Variants in LRRTM4 observed in about 807,000 individuals in gnomAD.
The protein encoded by LRRTM4 is leucine rich repeat transmembrane neuronal 4.
Under a neutral mutation model 47.6 loss-of-function variants are expected in LRRTM4, and 25 were observed. That is an observed-to-expected ratio of 0.53 (90% CI 0.38 to 0.73). The LOEUF (loss-of-function observed/expected upper bound fraction) is 0.73, where lower values mean the gene tolerates loss of function less well. LRRTM4 is among the 30% of genes least tolerant of loss of function. The pLI, the probability that LRRTM4 is intolerant of heterozygous loss-of-function variation, is 0.00. For missense variants in LRRTM4, 638 were observed against 713.4 expected (o/e 0.89, Z 1.20); for synonymous variants, 311 against 269.5 (o/e 1.15, Z -1.51).
At chr2:77,432,432 G>A (rs575459306) in intron 3 of LRRTM4, among the ~76,000 whole-genome samples, 1 of 152,302 alleles carries the variant, frequency 6.6e-6, no homozygotes, top group Admixed American at 6.5e-5. Flanking sequence ...TGTGGAAGAT[G>A]AATTTTTTGG....
intron 3 of LRRTM4, among the ~76,000 whole-genome samples, chr2:76,835,797 A>T (rs556150140): frequency 6.6e-6 from 1 of 152,224 alleles, no homozygotes; most frequent in African/African-American, 2.4e-5. Flanking sequence ...ACTATGTATA[A>T]ACTAACATAC....
intron 3 of LRRTM4, among the ~76,000 whole-genome samples, chr2:77,037,617 A>T (rs1678880791): frequency 6.6e-6 from 1 of 151,762 alleles, no homozygotes; most frequent in Non-Finnish European, 1.5e-5. Context: ...TAGGATGCAC[A>T]AATATCCATT....
At chr2:77,184,308 A>G (rs1300021412) in intron 3 of LRRTM4, among the ~76,000 whole-genome samples, 2 of 152,104 alleles carry the variant, frequency 1.3e-5, no homozygotes, top group African/African-American at 4.8e-5. Flanking sequence ...ATTAATGCCC[A>G]AAGGTTTCAA....
intron 3 of LRRTM4, among the ~76,000 whole-genome samples, chr2:77,386,150 CA>C (rs11320271): frequency 0.47 from 70,520 of 151,608 alleles, 16,612 homozygotes; most frequent in East Asian, 0.62. Context: ...AAATCATCCA[CA>C]AAAATAATCG....
chr2:76,780,332 C>T (rs1354785607), intron 3 of LRRTM4, among the ~76,000 whole-genome samples: 2 of 152,182 alleles, frequency 1.3e-5, no homozygotes, highest in African/African-American at 2.4e-5. Context: ...GGGAAGTTCT[C>T]CTGGATAATC....
At chr2:77,371,909 A>T (rs1351085062) in intron 3 of LRRTM4, among the ~76,000 whole-genome samples, 1 of 151,698 alleles carries the variant, frequency 6.6e-6, no homozygotes, top group Non-Finnish European at 1.5e-5. Context: ...CTAGAGTTTC[A>T]TACTTACTGG....
chr2:77,087,951 T>C (rs535903205), intron 3 of LRRTM4, among the ~76,000 whole-genome samples: 1 of 152,276 alleles, frequency 6.6e-6, no homozygotes, highest in East Asian at 1.9e-4. Flanking sequence ...AAAGATCATA[T>C]GCTATCCCTT....
At chr2:77,517,408 A>G (rs1012859538) in intron 3 of LRRTM4, 38 of 984,450 alleles carry the variant, frequency 3.9e-5, no homozygotes, top group Admixed American at 3.7e-4. Context: ...AAGAATACAT[A>G]TCATTTCTTT....
intron 3 of LRRTM4, among the ~76,000 whole-genome samples, chr2:77,462,723 G>A (rs1304708755): frequency 6.6e-6 from 1 of 151,982 alleles, no homozygotes; most frequent in African/African-American, 2.4e-5. Context: ...GCTTTTAAAC[G>A]GAAACAAAGT....
chr2:76,879,397 A>C (rs778070556), intron 3 of LRRTM4, among the ~76,000 whole-genome samples: 6 of 152,160 alleles, frequency 3.9e-5, no homozygotes, highest in Non-Finnish European at 7.3e-5. Flanking sequence ...ATTATACTAA[A>C]ACTACTCTGC....
intron 3 of LRRTM4, among the ~76,000 whole-genome samples, chr2:77,175,063 ATTTCT>A (rs896013022): frequency 1.9e-4 from 26 of 135,742 alleles, no homozygotes; most frequent in African/African-American, 7.0e-4. Flanking sequence ...ATTTTTCTTT[ATTTCT>A]TTTTTCTTTT....
chr2:76,874,440 T>TA (rs1277197155), intron 3 of LRRTM4, among the ~76,000 whole-genome samples: 1 of 152,018 alleles, frequency 6.6e-6, no homozygotes, highest in Non-Finnish European at 1.5e-5. Flanking sequence ...GCTAGCCATG[T>TA]AATAAAGCGG....
intron 3 of LRRTM4, among the ~76,000 whole-genome samples, chr2:77,357,994 A>G (rs1275019856): frequency 2.0e-5 from 3 of 152,208 alleles, no homozygotes; most frequent in Non-Finnish European, 4.4e-5. Context: ...TATAAACCAT[A>G]TATACTGGTT....
chr2:77,201,216 A>C (rs1309443289), intron 3 of LRRTM4, among the ~76,000 whole-genome samples: 1 of 152,176 alleles, frequency 6.6e-6, no homozygotes, highest in East Asian at 1.9e-4. Flanking sequence ...TTGGTTGATA[A>C]TCTGGATTCT....
At chr2:77,107,365 C>T (rs764301066) in intron 3 of LRRTM4, among the ~76,000 whole-genome samples, 10 of 152,004 alleles carry the variant, frequency 6.6e-5, no homozygotes, top group Non-Finnish European at 1.0e-4. Context: ...CTTAGGAGAA[C>T]GTCAGAGAAT....
At chr2:77,003,297 T>A (rs1677505440) in intron 3 of LRRTM4, among the ~76,000 whole-genome samples, 1 of 152,088 alleles carries the variant, frequency 6.6e-6, no homozygotes, top group Non-Finnish European at 1.5e-5. Flanking sequence ...ATTATTATAA[T>A]AAATATTAAC....
chr2:76,748,387 T>C lies in LRRTM4; in HGVS notation c.*308A>G, dbSNP rs1672718946. The C allele has an allele frequency of 8.7e-6, 3 of 343,660 alleles. No individual in the cohort carries two copies. Among genetic ancestry groups the C allele is most frequent in the South Asian group, 6.3e-5 (2 of 31,716 alleles). The allele number at this position is 343,660 out of a possible 1,614,324, so 21.3% of individuals were successfully genotyped here. ...AAAATCAAATATACAAACAAACCTATATGTAGCTAGGGTGAAATCTATTTT... is the reference window on the plus strand; with the variant it reads ...AAAATCAAATATACAAACAAACCTACATGTAGCTAGGGTGAAATCTATTTT... On this transcript the variant is annotated 3_prime_UTR_variant, in exon 4 of 4. Coordinates refer to ENST00000409884, the MANE Select transcript of LRRTM4 (RefSeq NM_001134745.3).
At position 76,891,825 on chromosome 2, in the gene LRRTM4, C is replaced by T. The variant is rs142537550; in HGVS notation, c.1552-142909G>A. 1.3e-4 allele frequency among the ~76,000 whole-genome samples: 20 copies of T among 151,752 alleles called. 1 individual carries two copies. In the East Asian group the frequency reaches 2.3e-3, roughly 18 times the overall value. On this transcript the variant is annotated intron_variant, in intron 3 of 3. Transcript: ENST00000409884. ...ATAGATGAAGCCTTTCTAATTACAA[C>T]TCAATTCGGATGCAAAAAAGATAAA...
Position 77,017,529 on chromosome 2 carries a change from G to A in LRRTM4, c.1552-268613C>T, listed in dbSNP as rs374307041. Among the ~76,000 whole-genome samples the A allele has an allele frequency of 2.6e-5, 4 of 152,156 alleles. No individual in the cohort carries two copies. The East Asian group carries it at 7.8e-4, about 29-fold the overall frequency. ...GTACAAGTAAAAGGAACATTTGCTG[G>A]AGCTAAATGAAAGTAGTGGCCACAT... On this transcript the variant is annotated intron_variant, in intron 3 of 3. Coordinates refer to ENST00000409884, the MANE Select transcript of LRRTM4 (RefSeq NM_001134745.3).
Sources: allele counts gnomAD v4.1 joint callset (sites outside exome capture counted in the v4.1 genomes callset), GRCh38; gene constraint gnomAD v4.1.1; transcripts MANE v1.5; gene names NCBI Gene and HGNC (gene_info 2026-07-23, HGNC 2026-07-21).